EVI5L: variants seen among roughly 807,000 people sequenced by gnomAD.
EVI5L encodes EVI5-like protein.
A neutral mutation model predicts 106.1 loss-of-function variants in EVI5L; 30 were observed. The observed-to-expected ratio is 0.28, with a 90% CI of 0.21 to 0.38. The LOEUF is 0.38. Among genes scored for constraint, EVI5L ranks in the 10% least tolerant of loss-of-function variants. The pLI, the probability that EVI5L is intolerant of heterozygous loss-of-function variation, is 1.00. For synonymous variants in EVI5L, 489 were observed against 483.3 expected, an observed-to-expected ratio of 1.01 and a Z score of -0.15; for missense variants, 809 against 1,098.0, an observed-to-expected ratio of 0.74 and a Z score of 3.72.
chr19:7,848,070 GC>G lies in EVI5L; in HGVS notation c.327+151del. 2 of 871,998 alleles carry G rather than the reference GC, an allele frequency of 2.3e-6. No individual in the cohort carries two copies. The highest frequency in any genetic ancestry group is 3.4e-6 in the Non-Finnish European group (2 of 584,936). 54.0% of individuals were successfully genotyped at this position (871,998 alleles called of 1,614,324 possible). On this transcript the variant is annotated intron_variant, in intron 3 of 19. Transcript: ENST00000538904. The surrounding 1 kb of genome is among the most constrained non-coding windows in gnomAD (Gnocchi z 4.8). ...TGTGCAGGCACTTTCAGGGTGTCCT[GC>G]CAGAGCACAGGGACAGGAGAGAGTG...
At chr19:7,838,415 T>G (rs1005477906) in intron 1 of EVI5L, among the ~76,000 whole-genome samples, 1 of 152,152 alleles carries the variant, frequency 6.6e-6, no homozygotes, top group African/African-American at 2.4e-5. Flanking sequence ...CCAGCCACTC[T>G]GGTGTTTCTC....
intron 17 of EVI5L, 126 bp downstream of exon 17, chr19:7,862,660 C>A: frequency 1.3e-6 from 1 of 782,082 alleles, no homozygotes; most frequent in Non-Finnish European, 1.7e-6. Flanking sequence ...CCGCGGTCCT[C>A]CCGCCCCCGC....
chr19:7,853,875 G>A (rs1475347474), intron 10 of EVI5L, among the ~76,000 whole-genome samples: 1 of 152,208 alleles, frequency 6.6e-6, no homozygotes, highest in Non-Finnish European at 1.5e-5. Flanking sequence ...CCTGGTTCCT[G>A]GGGCAACTGG....
chr19:7,853,447 CG>C, intron 10 of EVI5L, 114 bp downstream of exon 10: 1 of 1,427,324 alleles, frequency 7.0e-7, no homozygotes. Context: ...CAGGCGGACC[CG>C]GCGGTCCTTG....
chr19:7,843,002 G>C (rs1379031265), intron 1 of EVI5L, among the ~76,000 whole-genome samples: 1 of 151,730 alleles, frequency 6.6e-6, no homozygotes, highest in Non-Finnish European at 1.5e-5. Context: ...TTGAGTGTGT[G>C]CATGTGTGTA....
chr19:7,854,841 T>TGAC (rs1482411271), intron 10 of EVI5L, among the ~76,000 whole-genome samples: 1 of 152,174 alleles, frequency 6.6e-6, no homozygotes. Flanking sequence ...CATGCATCAA[T>TGAC]GACTGTCAAG....
In EVI5L at chr19:7,857,907, TG is replaced by T. The variant is rs1442113666; in HGVS notation, c.1234-280del. The T allele has an allele frequency of 1.9e-5, 8 of 422,768 alleles. No individual in the cohort carries two copies. The highest frequency in any genetic ancestry group is 3.5e-5 in the Non-Finnish European group (8 of 231,828). The allele number at this position is 422,768 out of a possible 1,614,324, so 26.2% of individuals were successfully genotyped here. A position where few individuals can be genotyped will look rare whatever the true frequency, so the allele number is the denominator to read the frequency against. Reference sequence around the variant, plus strand: ...TGTGCCCCTGGATAAGGATCCCAACTGGGGCAGAGACTGAGAGCCAGAGTGG... The same window carrying T: ...TGTGCCCCTGGATAAGGATCCCAACTGGGCAGAGACTGAGAGCCAGAGTGG... On this transcript the variant is annotated intron_variant, in intron 12 of 19. Coordinates refer to ENST00000538904, the MANE Select transcript of EVI5L (RefSeq NM_001159944.3). This position sits in a 1 kb window ranked among gnomAD's most constrained non-coding sequence, Gnocchi z 4.5.
chr19:7,842,186 T>G (rs1356190839), intron 1 of EVI5L, among the ~76,000 whole-genome samples: 2 of 99,364 alleles, frequency 2.0e-5, no homozygotes, highest in Non-Finnish European at 4.6e-5. Context: ...TGTGCATGGG[T>G]GTGTGTGTTG....
chr19:7,863,163 C>T lies in EVI5L; in HGVS notation c.2044-22C>T, dbSNP rs1281986357. ...CAGGCCCAGCATGGCACTGGCCCCG[C>T]GTGACCTGGCGCACCCCGCAGAGGG... On this transcript the variant is annotated intron_variant, in intron 18 of 19. Transcript: ENST00000538904. This position sits in a 1 kb window ranked among gnomAD's most constrained non-coding sequence, Gnocchi z 7.7. 1.9e-6 allele frequency: 3 copies of T among 1,548,980 alleles called. No homozygotes were observed. In the East Asian group the frequency reaches 7.3e-5, roughly 38 times the overall value.
At chr19:7,842,754 G>A (rs1841758737) in intron 1 of EVI5L, among the ~76,000 whole-genome samples, 1 of 104,974 alleles carries the variant, frequency 9.5e-6, no homozygotes, top group Non-Finnish European at 2.0e-5. Context: ...TGAAGGTACT[G>A]GGTGTGTGTG....
At chr19:7,834,686 C>T (rs1429344557) in intron 1 of EVI5L, among the ~76,000 whole-genome samples, 1 of 152,146 alleles carries the variant, frequency 6.6e-6, no homozygotes, top group Non-Finnish European at 1.5e-5. Flanking sequence ...CAGCCCCAGC[C>T]CCTGCCCTAG....
In EVI5L at chr19:7,857,344, G is replaced by A. The variant is rs1284043177; in HGVS notation, c.1233+220G>A. ...GTGTGTGTGGAGGGGCTGTGAGTGCGTTTGGGTGTGAATGTCCACATGCAT... is the reference window on the plus strand; with the variant it reads ...GTGTGTGTGGAGGGGCTGTGAGTGCATTTGGGTGTGAATGTCCACATGCAT... On this transcript the variant is annotated intron_variant, in intron 12 of 19. Transcript: ENST00000538904. This position sits in a 1 kb window ranked among gnomAD's most constrained non-coding sequence, Gnocchi z 4.5. 1.1e-5 allele frequency: 7 copies of A among 629,942 alleles called. No individual in the cohort carries two copies. Among genetic ancestry groups the A allele is most frequent in the Admixed American group, 5.3e-5 (2 of 37,512 alleles). 39.0% of individuals were successfully genotyped at this position (629,942 alleles called of 1,614,324 possible). A position where few individuals can be genotyped will look rare whatever the true frequency, so the allele number is the denominator to read the frequency against.
chr19:7,863,389 C>T lies in EVI5L; in HGVS notation c.2140-35C>T, dbSNP rs569268408. On this transcript the variant is annotated intron_variant, in intron 19 of 19. Transcript: ENST00000538904. The surrounding 1 kb of genome is among the most constrained non-coding windows in gnomAD (Gnocchi z 7.7). The stretch of plus-strand genomic sequence containing the variant: ...CGGCTGGGAGGGCGGGGCAGAAGGC[C>T]GGTCCACGCCTGCAGCGCCGGTCCC... 3.9e-6 allele frequency: 6 copies of T among 1,528,908 alleles called. No homozygotes were observed. Among genetic ancestry groups the T allele is most frequent in the South Asian group, 3.7e-5 (3 of 81,426 alleles). The allele number at this position is 1,528,908 out of a possible 1,614,324, so 94.7% of individuals were successfully genotyped here. A position where few individuals can be genotyped will look rare whatever the true frequency, so the allele number is the denominator to read the frequency against.
intron 1 of EVI5L, among the ~76,000 whole-genome samples, chr19:7,833,145 C>G (rs1478610344): frequency 6.6e-6 from 1 of 152,144 alleles, no homozygotes; most frequent in African/African-American, 2.4e-5. Context: ...GGAGCTGCAT[C>G]TTTGTTTGAG....
chr19:7,858,303 G>A lies in EVI5L; in HGVS notation c.1346G>A (p.Ser449Asn). The A allele has an allele frequency of 1.3e-6, 2 of 1,548,694 alleles. No homozygotes were observed. Among genetic ancestry groups the A allele is most frequent in the Non-Finnish European group, 1.7e-6 (2 of 1,147,034 alleles). The change falls in exon 13 of 20, where the codon AGC (serine) becomes AAC (asparagine). Residue 449 changes from serine (S) to asparagine (N), a missense_variant. By Grantham distance (46) the Ser-to-Asn change is conservative. Around this residue, in one of 2 missense-constraint regions of EVI5L, gnomAD observed 452 missense variants for 509.9 expected, o/e 0.89. Transcript: ENST00000538904. The surrounding 1 kb of genome is among the most constrained non-coding windows in gnomAD (Gnocchi z 5.7). ...SAAEDLQKAQ[S>N]TIRQLQEQQE... is the part of the protein sequence containing the mutation. ...GCCGAGGACCTGCAGAAGGCACAGA[G>A]CACCATCCGGCAGCTACAGGAGCAG...
chr19:7,853,390 T>G, intron 10 of EVI5L, 57 bp downstream of exon 10: 1 of 1,568,626 alleles, frequency 6.4e-7, no homozygotes, highest in Non-Finnish European at 8.6e-7. Context: ...GGGGCTGCCC[T>G]CCGTACTCTA....
Position 7,863,994 on chromosome 19 carries a change from GGAGGGCA to G in EVI5L, c.*301_*307del. 1 of 394,820 alleles carries G rather than the reference GGAGGGCA, an allele frequency of 2.5e-6. No homozygotes were observed. Among genetic ancestry groups the G allele is most frequent in the Non-Finnish European group, 4.5e-6 (1 of 221,720 alleles). 24.5% of individuals were successfully genotyped at this position (394,820 alleles called of 1,614,324 possible). Reference sequence around the variant, plus strand: ...GGAGGGGCTGACTGCTCTCTTAACAGGAGGGCAGAGGGCAGGGGACAGACGACCCAGA... The same window carrying G: ...GGAGGGGCTGACTGCTCTCTTAACAGGAGGGCAGGGGACAGACGACCCAGA... On this transcript the variant is annotated 3_prime_UTR_variant, in exon 20 of 20. Transcript: ENST00000538904. The surrounding 1 kb of genome is among the most constrained non-coding windows in gnomAD (Gnocchi z 7.7).
intron 1 of EVI5L, among the ~76,000 whole-genome samples, chr19:7,841,824 G>A (rs1180791379): frequency 2.0e-5 from 3 of 152,240 alleles, no homozygotes; most frequent in African/African-American, 7.2e-5. Context: ...TGCCTAGACA[G>A]TGGCCGGCCC....
chr19:7,836,634 T>C (rs1231030129), intron 1 of EVI5L, among the ~76,000 whole-genome samples: 1 of 152,070 alleles, frequency 6.6e-6, no homozygotes, highest in Admixed American at 6.6e-5. Flanking sequence ...TTTCTATTTT[T>C]ATTTTTTTCA....
Sources: allele counts gnomAD v4.1 joint callset (sites outside exome capture counted in the v4.1 genomes callset), GRCh38; gene constraint gnomAD v4.1.1; regional missense constraint gnomAD v4.1.1; non-coding constraint Gnocchi (gnomAD v3.1); transcripts MANE v1.5; gene names NCBI Gene and HGNC (gene_info 2026-07-23, HGNC 2026-07-21).